SLCO4C1: variants seen among roughly 807,000 people sequenced by gnomAD.
SLCO4C1 encodes the protein solute carrier organic anion transporter family member 4C1.
Under a neutral mutation model 72.1 loss-of-function variants are expected in SLCO4C1, and 58 were observed. That is an observed-to-expected ratio of 0.80 (90% CI 0.65 to 1.00). The LOEUF (loss-of-function observed/expected upper bound fraction) is 1.00. SLCO4C1 is among the 50% of genes least tolerant of loss of function. The pLI, the probability that SLCO4C1 is intolerant of heterozygous loss-of-function variation, is 0.00. For missense variants in SLCO4C1, 898 were observed against 857.9 expected (o/e 1.05, Z -0.58); for synonymous variants, 297 against 312.5 (o/e 0.95, Z 0.52).
intron 4 of SLCO4C1, among the ~76,000 whole-genome samples, chr5:102,262,978 A>C (rs1326431543): frequency 6.6e-6 from 1 of 152,160 alleles, no homozygotes; most frequent in Non-Finnish European, 1.5e-5. Context: ...AAAATGAAAA[A>C]AAATATGACC....
At chr5:102,251,846 A>G (rs1265670386) in intron 8 of SLCO4C1, among the ~76,000 whole-genome samples, 1 of 152,176 alleles carries the variant, frequency 6.6e-6, no homozygotes, top group Non-Finnish European at 1.5e-5. Context: ...TTGGGAGTCC[A>G]CTTATTTAAT....
intron 2 of SLCO4C1, among the ~76,000 whole-genome samples, chr5:102,274,161 A>ATG (rs1307982253): frequency 6.6e-6 from 1 of 152,178 alleles, no homozygotes; most frequent in Admixed American, 6.5e-5. Context: ...GGACTTGAGC[A>ATG]TGCAGATTTT....
At position 102,257,897 on chromosome 5, in the gene SLCO4C1, T is replaced by C. The variant is rs773090707; in HGVS notation, c.1273+46A>G. The C allele has an allele frequency of 5.2e-6, 8 of 1,528,282 alleles. No individual in the cohort carries two copies. In the Admixed American group the frequency reaches 1.2e-4, roughly 23 times the overall value. 94.7% of individuals were successfully genotyped at this position (1,528,282 alleles called of 1,614,324 possible). On this transcript the variant is annotated intron_variant, in intron 7 of 12. Coordinates refer to ENST00000310954, the MANE Select transcript of SLCO4C1 (RefSeq NM_180991.5). ...ATACACTATCCTCATAAAAATTTAA[T>C]ATAGTAAAGTAAAATTTTTAGGTTA...
chr5:102,239,051 G>T (rs62370436), intron 12 of SLCO4C1, among the ~76,000 whole-genome samples, 200 bp downstream of exon 12: 37,868 of 151,996 alleles, frequency 0.25, 5,938 homozygotes, highest in Non-Finnish European at 0.35. Context: ...ATTTAGTACT[G>T]AGCCTTGCAA....
chr5:102,265,584 T>C (rs751788076), intron 3 of SLCO4C1, among the ~76,000 whole-genome samples: 1 of 152,112 alleles, frequency 6.6e-6, no homozygotes, highest in Non-Finnish European at 1.5e-5. Flanking sequence ...CCCCAGTGTA[T>C]ATCCTTGGTA....
Position 102,257,281 on chromosome 5 carries a change from C to A in SLCO4C1, c.1303G>T (p.Gly435Cys). The A allele has an allele frequency of 6.3e-7, 1 of 1,599,022 alleles. No homozygotes were observed. The highest frequency in any genetic ancestry group is 1.1e-5 in the South Asian group (1 of 88,434). The change falls in exon 8 of 13, where the codon GGT (glycine) becomes TGT (cysteine). Residue 435 changes from glycine to cysteine, a missense_variant. Transcript: ENST00000310954. ...ACAAGGAAGCCACCTAAAATTTGAC[C>A]GAGAGCAGCTCCAGGAATTAAAACA... ...GAVLIPGAAL[G>C]QILGGFLVSK...
rs915016659 is a variant in SLCO4C1, at chr5:102,236,724, A to G, written c.*134T>C. The G allele has an allele frequency of 2.9e-6, 3 of 1,026,204 alleles. No homozygotes were observed. The highest frequency in any genetic ancestry group is 2.1e-4 in the Middle Eastern group (1 of 4,694). 63.6% of individuals were successfully genotyped at this position (1,026,204 alleles called of 1,614,324 possible). A position where few individuals can be genotyped will look rare whatever the true frequency, so the allele number is the denominator to read the frequency against. On this transcript the variant is annotated 3_prime_UTR_variant, in exon 13 of 13. Transcript: ENST00000310954. The stretch of plus-strand genomic sequence containing the variant: ...ACAAAAACTACATAAGTAAAAAAAT[A>G]CATTTGATTATAAAAACATCAATTT...
chr5:102,262,889 AT>A (rs1748967378), intron 4 of SLCO4C1, among the ~76,000 whole-genome samples: 1 of 152,168 alleles, frequency 6.6e-6, no homozygotes, highest in African/African-American at 2.4e-5. Flanking sequence ...TAGAGAACAA[AT>A]CACATACCTA....
intron 2 of SLCO4C1, among the ~76,000 whole-genome samples, chr5:102,286,398 A>C (rs1003788219): frequency 1.3e-5 from 2 of 152,172 alleles, no homozygotes; most frequent in African/African-American, 4.8e-5. Context: ...TAACATTAAA[A>C]TAACACTCAT....
chr5:102,274,620 A>C (rs1427350702), intron 2 of SLCO4C1, among the ~76,000 whole-genome samples: 3 of 152,134 alleles, frequency 2.0e-5, no homozygotes, highest in Non-Finnish European at 2.9e-5. Context: ...CACACATTTG[A>C]TAAGATTCCC....
intron 8 of SLCO4C1, among the ~76,000 whole-genome samples, chr5:102,253,988 T>C (rs1171109130): frequency 1.3e-5 from 2 of 152,048 alleles, no homozygotes; most frequent in Admixed American, 1.3e-4. Flanking sequence ...TTACATTTTT[T>C]GGAAATGCTG....
intron 2 of SLCO4C1, among the ~76,000 whole-genome samples, chr5:102,284,232 C>A (rs1376437628): frequency 6.6e-6 from 1 of 152,076 alleles, no homozygotes; most frequent in Non-Finnish European, 1.5e-5. Flanking sequence ...ATTACCTACT[C>A]TTACTGTCTT....
At chr5:102,291,998 T>A (rs148230785) in intron 1 of SLCO4C1, among the ~76,000 whole-genome samples, 132 of 152,058 alleles carry the variant, frequency 8.7e-4, no homozygotes, top group African/African-American at 3.0e-3. Context: ...ATTTTTTGTA[T>A]CTTGTTAGTA....
chr5:102,269,108 T>C (rs944606729), intron 3 of SLCO4C1, among the ~76,000 whole-genome samples: 4 of 152,120 alleles, frequency 2.6e-5, no homozygotes, highest in African/African-American at 2.4e-5. Context: ...ATCTTTGTCT[T>C]TGATTTTTGC....
chr5:102,262,737 C>T (rs994575554), intron 4 of SLCO4C1, among the ~76,000 whole-genome samples: 16 of 152,204 alleles, frequency 1.1e-4, no homozygotes, highest in Non-Finnish European at 1.8e-4. Flanking sequence ...TTGGCCCTTT[C>T]CGAAAATACA....
At chr5:102,278,086 AC>A (rs1749281685) in intron 2 of SLCO4C1, among the ~76,000 whole-genome samples, 1 of 152,160 alleles carries the variant, frequency 6.6e-6, no homozygotes, top group African/African-American at 2.4e-5. Context: ...AATAAAAAAA[AC>A]AACCCAACTA....
intron 3 of SLCO4C1, 106 bp downstream of exon 3, chr5:102,270,518 A>T (rs1043932774): frequency 8.1e-6 from 7 of 860,536 alleles, no homozygotes; most frequent in Admixed American, 3.3e-5. Context: ...GGGAAAACCT[A>T]TGGCATTACA....
At chr5:102,245,095 T>C (rs1748613060) in intron 10 of SLCO4C1, among the ~76,000 whole-genome samples, 1 of 152,136 alleles carries the variant, frequency 6.6e-6, no homozygotes, top group East Asian at 1.9e-4. Context: ...TTTCAAGACA[T>C]AGTACAATAA....
chr5:102,247,178 A>G, intron 10 of SLCO4C1, 74 bp downstream of exon 10: 1 of 1,201,278 alleles, frequency 8.3e-7, no homozygotes, highest in South Asian at 2.1e-5. Context: ...TGAACCCCAA[A>G]TGAACCCCGA....
Sources: gnomAD v4.1 joint callset for allele counts (sites outside exome capture counted in the v4.1 genomes callset) on GRCh38, gnomAD v4.1.1 for gene constraint, MANE v1.5 for transcripts, NCBI Gene and HGNC (gene_info 2026-07-23, HGNC 2026-07-21) for gene names.